TEAD1: variants seen among roughly 807,000 people sequenced by gnomAD.
The protein encoded by TEAD1 is TEA domain transcription factor 1.
A neutral mutation model predicts 54.9 loss-of-function variants in TEAD1; 9 were observed. The observed-to-expected ratio is 0.16, with a 90% CI of 0.10 to 0.29. The LOEUF is 0.29. Ranked by LOEUF, TEAD1 falls within the 10% of genes least tolerant of loss-of-function variation. The pLI, the probability that TEAD1 is intolerant of heterozygous loss-of-function variation, is 1.00. For missense variants in TEAD1, 387 were observed against 535.9 expected, an observed-to-expected ratio of 0.72 and a Z score of 2.74; for synonymous variants, 200 against 187.8, an observed-to-expected ratio of 1.07 and a Z score of -0.53.
intron 2 of TEAD1, among the ~76,000 whole-genome samples, chr11:12,722,508 C>T (rs1311633467): frequency 6.6e-6 from 1 of 152,154 alleles, no homozygotes; most frequent in Non-Finnish European, 1.5e-5. Context: ...AAGACCCAGG[C>T]AGAGTATAGG....
At chr11:12,788,664 G>C (rs936717135) in intron 3 of TEAD1, among the ~76,000 whole-genome samples, 6 of 152,184 alleles carry the variant, frequency 3.9e-5, no homozygotes, top group Non-Finnish European at 4.4e-5. Flanking sequence ...CCATATTTAA[G>C]AACAAAGCAG....
rs1042908970 is a variant in TEAD1 at position 12,865,986 on chromosome 11, C to G, written c.330+1086C>G. On this transcript the variant is annotated intron_variant, in intron 5 of 12. Coordinates refer to ENST00000527636, the MANE Select transcript of TEAD1 (RefSeq NM_021961.6). ...TGAGCACTGGGACTCTTCCCAAAGT[C>G]CTTCGACTTTTTTTTATGCAAACAA... 1.4e-4 allele frequency among the ~76,000 whole-genome samples: 21 copies of G among 150,754 alleles called. No homozygotes were observed. The East Asian group carries it at 3.9e-3, about 28-fold the overall frequency.
chr11:12,725,576 T>C (rs767513572), intron 2 of TEAD1, among the ~76,000 whole-genome samples: 2 of 151,854 alleles, frequency 1.3e-5, no homozygotes, highest in Admixed American at 6.6e-5. Context: ...AAATATCACA[T>C]GCACCTCATA....
intron 10 of TEAD1, among the ~76,000 whole-genome samples, chr11:12,919,306 G>A (rs979917896): frequency 1.3e-5 from 2 of 152,086 alleles, no homozygotes; most frequent in African/African-American, 4.8e-5. Context: ...TAAACCAATG[G>A]TGAGGTGGTA....
At chr11:12,857,017 A>T (rs746767911) in intron 3 of TEAD1, among the ~76,000 whole-genome samples, 2 of 152,130 alleles carry the variant, frequency 1.3e-5, no homozygotes, top group Non-Finnish European at 2.9e-5. Flanking sequence ...ATCACATTAT[A>T]TATACAGCCC....
intron 3 of TEAD1, among the ~76,000 whole-genome samples, chr11:12,841,092 A>T (rs1173504780): frequency 6.6e-6 from 1 of 152,246 alleles, no homozygotes; most frequent in Admixed American, 6.5e-5. Context: ...ACATTATTTT[A>T]TGGATGCAGA....
rs1405286221 is a variant in TEAD1 at position 12,938,052 on chromosome 11, CT to C, written c.*835del. The C allele has an allele frequency of 6.6e-6, 1 of 152,402 alleles. No individual in the cohort carries two copies. The highest frequency in any genetic ancestry group is 6.6e-5 in the Admixed American group (1 of 15,252). 9.4% of individuals were successfully genotyped at this position (152,402 alleles called of 1,614,324 possible). A position where few individuals can be genotyped will look rare whatever the true frequency, so the allele number is the denominator to read the frequency against. The stretch of plus-strand genomic sequence containing the variant: ...ATTTAATGAAAAAGAAAAAATGGCT[CT>C]TTTTGCAATAAGTAGATACATACTG... On this transcript the variant is annotated 3_prime_UTR_variant, in exon 13 of 13. Coordinates refer to ENST00000527636, the MANE Select transcript of TEAD1 (RefSeq NM_021961.6).
At chr11:12,857,680 G>C (rs1184624424) in intron 3 of TEAD1, among the ~76,000 whole-genome samples, 1 of 151,440 alleles carries the variant, frequency 6.6e-6, no homozygotes, top group Non-Finnish European at 1.5e-5. Context: ...TTACATCAGT[G>C]ATGGTGCTGC....
intron 2 of TEAD1, among the ~76,000 whole-genome samples, chr11:12,724,660 G>A (rs1483606674): frequency 1.3e-5 from 2 of 152,238 alleles, no homozygotes; most frequent in East Asian, 3.9e-4. Context: ...CACTGCAGGG[G>A]AAAGAACAGG....
intron 3 of TEAD1, among the ~76,000 whole-genome samples, chr11:12,788,899 G>A (rs1945739160): frequency 6.6e-6 from 1 of 152,206 alleles, no homozygotes; most frequent in South Asian, 2.1e-4. Context: ...TTAACTGGGG[G>A]TTTGGGTTTG....
chr11:12,717,862 A>G (rs753703981), intron 2 of TEAD1, among the ~76,000 whole-genome samples: 18 of 152,208 alleles, frequency 1.2e-4, no homozygotes, highest in Non-Finnish European at 1.8e-4. Flanking sequence ...CCTTTGGGCA[A>G]ATTACTTCAC....
intron 10 of TEAD1, chr11:12,923,072 A>G (rs1184746300): frequency 6.6e-6 from 1 of 151,458 alleles, no homozygotes; most frequent in Non-Finnish European, 1.5e-5. Flanking sequence ...ATGGCCTCCT[A>G]GTATATATAT....
chr11:12,879,882 G>A (rs1178698138), intron 6 of TEAD1, 40 bp downstream of exon 6: 45 of 1,611,010 alleles, frequency 2.8e-5, no homozygotes, highest in Non-Finnish European at 3.8e-5. Flanking sequence ...AGCTGCTGGG[G>A]TTGGGGTTGG....
intron 2 of TEAD1, among the ~76,000 whole-genome samples, chr11:12,695,207 A>G (rs530007499): frequency 5.6e-4 from 86 of 152,348 alleles, no homozygotes; most frequent in African/African-American, 2.0e-3. Flanking sequence ...CTGTTGAGAA[A>G]GTCGGGCTCA....
chr11:12,724,585 A>C (rs865868958), intron 2 of TEAD1, among the ~76,000 whole-genome samples: 1 of 152,366 alleles, frequency 6.6e-6, no homozygotes, highest in Admixed American at 6.5e-5. Flanking sequence ...GCGCGTGCAC[A>C]CGCAAGCCTA....
chr11:12,781,951 C>CAAAAAAAAAAAAAAAAAAAAAAAAAAAAA (rs71454001), intron 3 of TEAD1, among the ~76,000 whole-genome samples: 1 of 65,420 alleles, frequency 1.5e-5, no homozygotes, highest in African/African-American at 8.1e-5. Context: ...CTCGTCTGTA[C>CAAAAAAAAAAAAAAAAAAAAAAAAAAAAA]AAAAAAAAAA....
chr11:12,871,009 A>G (rs1319986757), intron 5 of TEAD1, among the ~76,000 whole-genome samples: 1 of 152,186 alleles, frequency 6.6e-6, no homozygotes, highest in Non-Finnish European at 1.5e-5. Context: ...TTTGTCTCCT[A>G]CTCAGACAAA....
At chr11:12,830,324 G>A (rs953916199) in intron 3 of TEAD1, among the ~76,000 whole-genome samples, 4 of 152,148 alleles carry the variant, frequency 2.6e-5, no homozygotes, top group African/African-American at 9.7e-5. Flanking sequence ...GTGTTGTGAT[G>A]AGCAAGGGGC....
At chr11:12,729,779 C>T (rs888799108) in intron 2 of TEAD1, among the ~76,000 whole-genome samples, 5 of 152,116 alleles carry the variant, frequency 3.3e-5, no homozygotes, top group Non-Finnish European at 5.9e-5. Context: ...GTTGGCTATC[C>T]GACTTCTGCT....
Sources: gnomAD v4.1 joint callset for allele counts (sites outside exome capture counted in the v4.1 genomes callset) on GRCh38, gnomAD v4.1.1 for gene constraint, MANE v1.5 for transcripts, NCBI Gene and HGNC (gene_info 2026-07-23, HGNC 2026-07-21) for gene names.